SLC13A3: variants seen among roughly 807,000 people sequenced by gnomAD.
SLC13A3 encodes the protein solute carrier family 13 member 3.
A neutral mutation model predicts 59.0 loss-of-function variants in SLC13A3; 40 were observed. The observed-to-expected ratio is 0.68, with a 90% CI of 0.53 to 0.88. The LOEUF (loss-of-function observed/expected upper bound fraction) is 0.88, where lower values mean the gene tolerates loss of function less well. Ranked by LOEUF, SLC13A3 falls within the 40% of genes least tolerant of loss-of-function variation. The pLI, the probability that SLC13A3 is intolerant of heterozygous loss-of-function variation, is 0.00. For missense variants in SLC13A3, 699 were observed against 783.2 expected, an observed-to-expected ratio of 0.89 and a Z score of 1.28; for synonymous variants, 317 against 330.3, an observed-to-expected ratio of 0.96 and a Z score of 0.44.
At chr20:46,595,392 T>G (rs2062300995) in intron 5 of SLC13A3, among the ~76,000 whole-genome samples, 1 of 152,194 alleles carries the variant, frequency 6.6e-6, no homozygotes, top group Non-Finnish European at 1.5e-5. Flanking sequence ...AACATCTTTC[T>G]TTTATCCTCG....
intron 1 of SLC13A3, among the ~76,000 whole-genome samples, chr20:46,632,065 G>A (rs1358145100): frequency 1.3e-5 from 2 of 152,140 alleles, no homozygotes; most frequent in African/African-American, 4.8e-5. Flanking sequence ...CCAGGCTCTT[G>A]GCAGATACTG....
chr20:46,626,443 G>A (rs1157585370), intron 1 of SLC13A3, among the ~76,000 whole-genome samples: 1 of 152,130 alleles, frequency 6.6e-6, no homozygotes, highest in Non-Finnish European at 1.5e-5. Context: ...GTCAGCTGGA[G>A]AGGTGACCCA....
In SLC13A3 at chr20:46,651,391, CCTT is replaced by C; in HGVS notation, c.28_30del (p.Lys10del). On this transcript the variant is annotated inframe_deletion, in exon 1 of 13. Transcript: ENST00000279027. ...ACCAGCAGCCGCCGCGCGCTCCACA[CCTT>C]CTTGGCCGCTGCTGCCAGCGCCGCC... 1 of 1,501,268 alleles carries C rather than the reference CCTT, an allele frequency of 6.7e-7. No homozygotes were observed. The highest frequency in any genetic ancestry group is 8.9e-7 in the Non-Finnish European group (1 of 1,129,672). The allele number at this position is 1,501,268 out of a possible 1,614,324, so 93.0% of individuals were successfully genotyped here. A position where few individuals can be genotyped will look rare whatever the true frequency, so the allele number is the denominator to read the frequency against.
At chr20:46,585,237 T>C in intron 8 of SLC13A3, 1 of 968,788 alleles carries the variant, frequency 1.0e-6, no homozygotes, top group Non-Finnish European at 1.2e-6. Context: ...TACATATTTG[T>C]ATGTGTGTAT....
upstream of SLC13A3, among the ~76,000 whole-genome samples, chr20:46,674,602 C>T (rs867844542): frequency 9.6e-3 from 1,097 of 114,430 alleles, 6 homozygotes; most frequent in African/African-American, 0.012. Context: ...CGCGCGCGCG[C>T]GCGTGTGTGT....
At chr20:46,585,674 T>C (rs1262527962) in intron 8 of SLC13A3, 1 of 1,294,638 alleles carries the variant, frequency 7.7e-7, no homozygotes, top group South Asian at 1.3e-5. Flanking sequence ...ATATCAGAAT[T>C]AGAGACTGAG....
At chr20:46,569,432 G>C (rs971897918) in intron 10 of SLC13A3, among the ~76,000 whole-genome samples, 1 of 152,192 alleles carries the variant, frequency 6.6e-6, no homozygotes, top group Non-Finnish European at 1.5e-5. Flanking sequence ...GGGCTCTGGA[G>C]TCAGACTGAG....
upstream of SLC13A3, among the ~76,000 whole-genome samples, chr20:46,670,989 G>A (rs2063088072): frequency 6.6e-6 from 1 of 152,074 alleles, no homozygotes; most frequent in African/African-American, 2.4e-5. Flanking sequence ...TGTGACTAAA[G>A]TTATGTTGGG....
intron 1 of SLC13A3, among the ~76,000 whole-genome samples, chr20:46,642,066 C>G (rs892140386): frequency 6.6e-6 from 1 of 152,212 alleles, no homozygotes; most frequent in African/African-American, 2.4e-5. Context: ...GCCCACGTTT[C>G]CTCTTATTCC....
chr20:46,624,920 G>A (rs1009921076), intron 1 of SLC13A3, among the ~76,000 whole-genome samples: 4 of 152,130 alleles, frequency 2.6e-5, no homozygotes, highest in Non-Finnish European at 4.4e-5. Context: ...GGAACTAGAG[G>A]GGGAGCAGCC....
intron 4 of SLC13A3, among the ~76,000 whole-genome samples, chr20:46,598,080 T>C (rs2062333120): frequency 6.6e-6 from 1 of 152,188 alleles, no homozygotes; most frequent in African/African-American, 2.4e-5. Context: ...AAGTGTTCTG[T>C]GTAACAAATC....
At chr20:46,588,852 G>A (rs562223424) in intron 7 of SLC13A3, among the ~76,000 whole-genome samples, 37 of 152,286 alleles carry the variant, frequency 2.4e-4, no homozygotes, top group Non-Finnish European at 4.1e-4. Flanking sequence ...ACAAGGTCCC[G>A]GAAGTCACCT....
chr20:46,569,324 G>T (rs2062009847), intron 10 of SLC13A3, among the ~76,000 whole-genome samples: 1 of 152,042 alleles, frequency 6.6e-6, no homozygotes, highest in Non-Finnish European at 1.5e-5. Context: ...TGGAAGCTTT[G>T]TTTCCTTGGA....
At chr20:46,573,565 G>A (rs2062047790) in intron 10 of SLC13A3, among the ~76,000 whole-genome samples, 1 of 152,196 alleles carries the variant, frequency 6.6e-6, no homozygotes, top group South Asian at 2.1e-4. Flanking sequence ...AGCCCAACCT[G>A]TAGAAACCAT....
chr20:46,651,230 GCGGT>G, intron 1 of SLC13A3, 77 bp downstream of exon 1: 2 of 1,400,856 alleles, frequency 1.4e-6, no homozygotes, highest in Non-Finnish European at 1.9e-6. Context: ...TGGGACCTCA[GCGGT>G]CTCCCAACTT....
chr20:46,568,401 C>CA (rs66526539), intron 10 of SLC13A3, among the ~76,000 whole-genome samples: 5,924 of 58,598 alleles, frequency 0.1, 960 homozygotes, highest in Non-Finnish European at 0.15. Context: ...GACTCCATCT[C>CA]AAAAAAAAAA....
chr20:46,595,546 C>T (rs1260471396), intron 5 of SLC13A3, among the ~76,000 whole-genome samples: 1 of 152,190 alleles, frequency 6.6e-6, no homozygotes, highest in East Asian at 1.9e-4. Flanking sequence ...CCCATGCCTC[C>T]CGCTGGATCA....
chr20:46,642,915 G>A (rs2062858501), intron 1 of SLC13A3, among the ~76,000 whole-genome samples: 1 of 151,384 alleles, frequency 6.6e-6, no homozygotes, highest in Non-Finnish European at 1.5e-5. Flanking sequence ...CCATCTGCCA[G>A]CCTAATGTGG....
Position 46,563,566 on chromosome 20 carries a change from G to C in SLC13A3, c.1495-15C>G, listed in dbSNP as rs1165253064. On this transcript the variant is annotated splice_polypyrimidine_tract_variant and intron_variant, in intron 11 of 12. Transcript: ENST00000279027. Reference sequence around the variant, plus strand: ...AGGCGGATGGCCTGGGCCAGGAAAAGGTGGGAGAGACCCGGAGAGAGACCA... The same window carrying C: ...AGGCGGATGGCCTGGGCCAGGAAAACGTGGGAGAGACCCGGAGAGAGACCA... 1.2e-6 allele frequency: 2 copies of C among 1,611,928 alleles called. No homozygotes were observed. Among genetic ancestry groups the C allele is most frequent in the African/African-American group, 2.7e-5 (2 of 74,916 alleles).
Sources: allele counts gnomAD v4.1 joint callset (sites outside exome capture counted in the v4.1 genomes callset), GRCh38; gene constraint gnomAD v4.1.1; transcripts MANE v1.5; gene names NCBI Gene and HGNC (gene_info 2026-07-23, HGNC 2026-07-21).